Variants in DNAJC13 observed in about 807,000 individuals in gnomAD.
DNAJC13 encodes DnaJ heat shock protein family (Hsp40) member C13, also known as dnaJ homolog subfamily C member 13.
A neutral mutation model predicts 290.5 loss-of-function variants in DNAJC13; 75 were observed. The observed-to-expected ratio is 0.26, with a 90% CI of 0.21 to 0.31. The LOEUF (loss-of-function observed/expected upper bound fraction) is 0.31, where lower values mean the gene tolerates loss of function less well. Ranked by LOEUF, DNAJC13 falls within the 10% of genes least tolerant of loss-of-function variation. The probability of loss-of-function intolerance (pLI) is 1.00; values close to 1 mark genes in which losing one functional copy is unlikely to be tolerated. For missense variants in DNAJC13, 2,260 were observed against 2,674.5 expected, an observed-to-expected ratio of 0.85 and a Z score of 3.42; for synonymous variants, 862 against 892.0, an observed-to-expected ratio of 0.97 and a Z score of 0.60.
rs16839317 is a variant in DNAJC13, at chr3:132,500,039, T to C, written c.4416+231T>C. On this transcript the variant is annotated intron_variant, in intron 38 of 55. Coordinates refer to ENST00000260818, the MANE Select transcript of DNAJC13 (RefSeq NM_015268.4). ...CTGTGTATCACACTGTAAGAAACTG[T>C]ACTAAAGCACTTGTGATCTGTTGGC... 0.18 allele frequency among the ~76,000 whole-genome samples: 27,160 copies of C among 152,170 alleles called. 2,725 individuals carry two copies. Among genetic ancestry groups the C allele is most frequent in the African/African-American group, 0.27 (11,204 of 41,476 alleles).
intron 2 of DNAJC13, among the ~76,000 whole-genome samples, chr3:132,437,500 A>AAGT (rs1416096948): frequency 6.6e-6 from 1 of 152,194 alleles, no homozygotes; most frequent in Non-Finnish European, 1.5e-5. Context: ...ATTTGGTGTG[A>AAGT]AGTAGGGTTC....
Position 132,538,415 on chromosome 3 carries a change from AT to A in DNAJC13, c.*138del. On this transcript the variant is annotated 3_prime_UTR_variant, in exon 56 of 56. Transcript: ENST00000260818. ...GTGTTATTCCTTTTTCTATAAATAT[AT>A]TTTTAGGAAAAAAAGTCAGTGATCC... The A allele has an allele frequency of 1.5e-6, 1 of 656,560 alleles. No homozygotes were observed. The highest frequency in any genetic ancestry group is 2.5e-6 in the Non-Finnish European group (1 of 405,682). 40.7% of individuals were successfully genotyped at this position (656,560 alleles called of 1,614,324 possible).
At position 132,467,398 on chromosome 3, in the gene DNAJC13, C is replaced by T. The variant is rs1934032740; in HGVS notation, c.2208+85C>T. 10 of 1,368,336 alleles carry T rather than the reference C, an allele frequency of 7.3e-6. 1 individual carries two copies. Among genetic ancestry groups the T allele is most frequent in the Admixed American group, 4.4e-5 (2 of 44,984 alleles). 84.8% of individuals were successfully genotyped at this position (1,368,336 alleles called of 1,614,324 possible). ...TTCCTGCTGTTCACAGAGATGGTAT[C>T]GATACATTTCTTGCTGAATACCTGA... is the stretch of plus-strand genomic sequence containing the variant. On this transcript the variant is annotated intron_variant, in intron 20 of 55. Coordinates refer to ENST00000260818, the MANE Select transcript of DNAJC13 (RefSeq NM_015268.4).
At chr3:132,442,041 AT>A (rs1471437129) in intron 2 of DNAJC13, among the ~76,000 whole-genome samples, 1 of 151,824 alleles carries the variant, frequency 6.6e-6, no homozygotes, top group Non-Finnish European at 1.5e-5. Context: ...ATGTAAAAAA[AT>A]CTTGTTATAA....
chr3:132,460,740 G>A (rs535819185), intron 14 of DNAJC13, among the ~76,000 whole-genome samples: 14 of 152,280 alleles, frequency 9.2e-5, no homozygotes, highest in Admixed American at 7.2e-4. Context: ...GATTGCCAGA[G>A]TTTTGCAAAT....
At chr3:132,467,136 C>T in intron 19 of DNAJC13, 34 bp from the exon 20 acceptor site, 1 of 1,583,630 alleles carries the variant, frequency 6.3e-7, no homozygotes, top group Non-Finnish European at 8.6e-7. Flanking sequence ...AATTTGCAAA[C>T]AGGCATGTAA....
intron 28 of DNAJC13, chr3:132,484,314 A>G (rs1435267001): frequency 4.0e-6 from 2 of 497,568 alleles, no homozygotes; most frequent in Non-Finnish European, 7.5e-6. Flanking sequence ...GTTGAACAAC[A>G]CCAAGTTTAA....
chr3:132,528,684 C>T (rs1006219999), intron 54 of DNAJC13, among the ~76,000 whole-genome samples: 4 of 152,162 alleles, frequency 2.6e-5, no homozygotes, highest in South Asian at 2.1e-4. Flanking sequence ...AATTCATTAA[C>T]CATCCCATAA....
chr3:132,516,301 A>G lies in DNAJC13; in HGVS notation c.5486-121A>G, dbSNP rs528549151. ...GAAAATACCTGTCTCACTGGTTATT[A>G]TGAGGATTAAATATGACATCCTGTG... is the stretch of plus-strand genomic sequence containing the variant. On this transcript the variant is annotated intron_variant, in intron 46 of 55. Coordinates refer to ENST00000260818, the MANE Select transcript of DNAJC13 (RefSeq NM_015268.4). 7 of 878,198 alleles carry G rather than the reference A, an allele frequency of 8.0e-6. No homozygotes were observed. In the African/African-American group the frequency reaches 1.2e-4, roughly 15 times the overall value. 54.4% of individuals were successfully genotyped at this position (878,198 alleles called of 1,614,324 possible). A position where few individuals can be genotyped will look rare whatever the true frequency, so the allele number is the denominator to read the frequency against.
At chr3:132,446,624 C>A in intron 3 of DNAJC13, 74 bp downstream of exon 3, 1 of 957,316 alleles carries the variant, frequency 1.0e-6, no homozygotes, top group Non-Finnish European at 1.6e-6. Context: ...GTGACCATTA[C>A]CCTCCCTTAA....
Position 132,537,875 on chromosome 3 carries a change from T to C in DNAJC13, c.6626-301T>C, listed in dbSNP as rs545756364. Among the ~76,000 whole-genome samples the C allele has an allele frequency of 4.2e-4, 64 of 152,360 alleles. No homozygotes were observed. The South Asian group carries it at 0.012, about 30-fold the overall frequency. On this transcript the variant is annotated intron_variant, in intron 55 of 55. Coordinates refer to ENST00000260818, the MANE Select transcript of DNAJC13 (RefSeq NM_015268.4). The stretch of plus-strand genomic sequence containing the variant: ...TTCCATTCGACATAGTTCTTTTCAG[T>C]GCTCGGAATTTTTTGAAAGATTGAA...
At chr3:132,522,223 C>T (rs1330128445) in intron 48 of DNAJC13, among the ~76,000 whole-genome samples, 3 of 152,162 alleles carry the variant, frequency 2.0e-5, no homozygotes, top group Non-Finnish European at 1.5e-5. Flanking sequence ...GAAGGAAAAA[C>T]ACTTTCCCAA....
intron 40 of DNAJC13, 139 bp downstream of exon 40, chr3:132,502,607 C>A: frequency 2.8e-6 from 2 of 716,886 alleles, no homozygotes; most frequent in East Asian, 5.9e-5. Flanking sequence ...GCTTTTTAAA[C>A]CTAATCACTT....
chr3:132,538,248 A>T lies in DNAJC13; in HGVS notation c.6698A>T (p.Asp2233Val). ...ATGTCTAACCTGCCACCTCCTGTAG[A>T]CCATGAGGCAGGCGACCTTGGCTAT... is the stretch of plus-strand genomic sequence containing the variant. ...SVMSNLPPPV[D>V]HEAGDLGYQT The change falls in exon 56 of 56, where the codon GAC (aspartate) becomes GTC (valine). Residue 2233 changes from aspartate (D) to valine (V), a missense_variant. This residue lies in a region of DNAJC13 where 1,494 missense variants were observed against 1,693.7 expected (regional missense o/e 0.88). Coordinates refer to ENST00000260818, the MANE Select transcript of DNAJC13 (RefSeq NM_015268.4). 6.2e-7 allele frequency: 1 copy of T among 1,613,898 alleles called. No homozygotes were observed. Among genetic ancestry groups the T allele is most frequent in the East Asian group, 2.2e-5 (1 of 44,870 alleles).
At chr3:132,483,250 T>C (rs1934742586) in intron 27 of DNAJC13, 125 bp from the exon 28 acceptor site, 1 of 985,448 alleles carries the variant, frequency 1.0e-6, no homozygotes, top group African/African-American at 1.7e-5. Flanking sequence ...AAACTTATTT[T>C]TTCTGAAATA....
intron 6 of DNAJC13, among the ~76,000 whole-genome samples, chr3:132,451,866 G>C (rs1449469795): frequency 6.6e-6 from 1 of 152,112 alleles, no homozygotes; most frequent in African/African-American, 2.4e-5. Context: ...AGAGTTACAG[G>C]CCTTTTTCCA....
intron 1 of DNAJC13, among the ~76,000 whole-genome samples, chr3:132,424,729 T>C (rs1939046531): frequency 6.6e-6 from 1 of 152,078 alleles, no homozygotes; most frequent in South Asian, 2.1e-4. Flanking sequence ...TTCAACGACA[T>C]CTATCTCTGG....
At chr3:132,509,254 C>G (rs1935698108) in intron 43 of DNAJC13, among the ~76,000 whole-genome samples, 1 of 152,208 alleles carries the variant, frequency 6.6e-6, no homozygotes, top group African/African-American at 2.4e-5. Flanking sequence ...GTTTCCAGCT[C>G]TCATGGATGA....
At chr3:132,472,102 G>A (rs1045214472) in intron 20 of DNAJC13, among the ~76,000 whole-genome samples, 11 of 150,168 alleles carry the variant, frequency 7.3e-5, no homozygotes, top group East Asian at 6.0e-4. Flanking sequence ...CAGGCGTGGC[G>A]GCGCGTGCCT....
Sources: allele counts gnomAD v4.1 joint callset (sites outside exome capture counted in the v4.1 genomes callset), GRCh38; gene constraint gnomAD v4.1.1; regional missense constraint gnomAD v4.1.1; transcripts MANE v1.5; gene names NCBI Gene and HGNC (gene_info 2026-07-23, HGNC 2026-07-21).